The following PHLDB2 variants were observed in gnomAD, a reference collection of about 807,000 sequenced individuals.
PHLDB2 encodes pleckstrin homology-like domain family B member 2.
A neutral mutation model predicts 123.6 loss-of-function variants in PHLDB2; 71 were observed. The ratio of observed to expected loss-of-function variants is 0.57; its 90% CI spans 0.47 to 0.70. PHLDB2 has a LOEUF of 0.70. PHLDB2 is among the 30% of genes least tolerant of loss of function. The pLI is 0.00. For missense variants in PHLDB2, 1,446 were observed against 1,519.5 expected, an observed-to-expected ratio of 0.95 and a Z score of 0.80; for synonymous variants, 547 against 541.6, an observed-to-expected ratio of 1.01 and a Z score of -0.14.
intron 2 of PHLDB2, among the ~76,000 whole-genome samples, chr3:111,902,205 G>A (rs902711885): frequency 6.6e-6 from 1 of 152,052 alleles, no homozygotes; most frequent in South Asian, 2.1e-4. Flanking sequence ...TGCTGAGGTG[G>A]AAAAAACAAG....
chr3:111,848,577 CAG>C (rs1371893390), intron 2 of PHLDB2, among the ~76,000 whole-genome samples: 1 of 152,150 alleles, frequency 6.6e-6, no homozygotes, highest in African/African-American at 2.4e-5. Context: ...GTTGAAGAAA[CAG>C]AGGAAGAGCC....
At chr3:111,938,891 C>T (rs1387529557) in intron 6 of PHLDB2, among the ~76,000 whole-genome samples, 1 of 152,116 alleles carries the variant, frequency 6.6e-6, no homozygotes, top group African/African-American at 2.4e-5. Flanking sequence ...TCTCGGCTCA[C>T]TGCAACCTCC....
At chr3:111,758,045 G>C (rs1193355121) in intron 1 of PHLDB2, among the ~76,000 whole-genome samples, 1 of 152,164 alleles carries the variant, frequency 6.6e-6, no homozygotes, top group Non-Finnish European at 1.5e-5. Context: ...CTGCTCAGGG[G>C]TCAGGGGCCA....
intron 2 of PHLDB2, among the ~76,000 whole-genome samples, chr3:111,896,406 G>A (rs1025829791): frequency 5.3e-5 from 8 of 150,094 alleles, no homozygotes; most frequent in South Asian, 2.1e-4. Flanking sequence ...GTGCAGTGGC[G>A]TGATCTCAGC....
In PHLDB2 at chr3:111,787,028, C is replaced by G. The variant is rs140164130; in HGVS notation, c.-49+54325C>G. 1.7e-3 allele frequency among the ~76,000 whole-genome samples: 257 copies of G among 152,244 alleles called. 1 individual carries two copies. The highest frequency in any genetic ancestry group is 6.0e-3 in the African/African-American group (248 of 41,548). The stretch of plus-strand genomic sequence containing the variant: ...TTTGCATGGGGCGCAATGCTAGGTA[C>G]TATTGATTCAAGGGCAATTAAAGTG... On this transcript the variant is annotated intron_variant, in intron 1 of 17. Transcript: ENST00000393923.
At chr3:111,959,683 C>T (rs999327736) in intron 12 of PHLDB2, among the ~76,000 whole-genome samples, 2 of 152,178 alleles carry the variant, frequency 1.3e-5, no homozygotes, top group Admixed American at 1.3e-4. Flanking sequence ...ATCTCCTTCA[C>T]CTGTAAGTTC....
At chr3:111,942,100 A>G (rs996629046) in intron 8 of PHLDB2, among the ~76,000 whole-genome samples, 7 of 152,330 alleles carry the variant, frequency 4.6e-5, no homozygotes, top group Middle Eastern at 3.4e-3. Flanking sequence ...GTAGTATTTA[A>G]TATTTAAAAT....
chr3:111,817,091 A>C (rs2062114655), intron 1 of PHLDB2, among the ~76,000 whole-genome samples: 1 of 152,178 alleles, frequency 6.6e-6, no homozygotes, highest in South Asian at 2.1e-4. Flanking sequence ...TGGAACTGTA[A>C]GTCCAATAAA....
chr3:111,899,067 C>A (rs1282936), intron 2 of PHLDB2, among the ~76,000 whole-genome samples: 140,941 of 152,296 alleles, frequency 0.93, 65,301 homozygotes, highest in East Asian at 1. Context: ...GCTCTATCAG[C>A]AGAATCACTA....
At chr3:111,748,005 T>C (rs935965648) in intron 1 of PHLDB2, among the ~76,000 whole-genome samples, 4 of 152,324 alleles carry the variant, frequency 2.6e-5, no homozygotes, top group Non-Finnish European at 5.9e-5. Flanking sequence ...TCTTTTGATA[T>C]GTTGCTCAGG....
upstream of PHLDB2, chr3:111,859,175 T>A: frequency 2.0e-6 from 2 of 985,052 alleles, no homozygotes; most frequent in Non-Finnish European, 2.4e-6. Flanking sequence ...AATAGATACT[T>A]CGCTGTCTGG....
rs561681267 is a variant in PHLDB2, at chr3:111,934,355, C to T, written c.2130+1958C>T. Reference sequence around the variant, plus strand: ...TTAGGACCTTTCTGTGTTATCACAGCTTATCTCCCTTTAGACTTCAAACAC... The same window carrying T: ...TTAGGACCTTTCTGTGTTATCACAGTTTATCTCCCTTTAGACTTCAAACAC... On this transcript the variant is annotated intron_variant, in intron 6 of 17. Transcript: ENST00000431670. 2.0e-5 allele frequency among the ~76,000 whole-genome samples: 3 copies of T among 152,260 alleles called. No homozygotes were observed. The East Asian group carries it at 5.8e-4, about 29-fold the overall frequency.
At chr3:111,916,237 C>T (rs940635246) in intron 3 of PHLDB2, 2 of 152,176 alleles carry the variant, frequency 1.3e-5, no homozygotes, top group Non-Finnish European at 2.9e-5. Context: ...ACTCTGCATC[C>T]TTTAGAGGCA....
chr3:111,742,012 G>C (rs1406665877), intron 1 of PHLDB2, among the ~76,000 whole-genome samples: 1 of 152,130 alleles, frequency 6.6e-6, no homozygotes, highest in East Asian at 1.9e-4. Context: ...GGATACAGCA[G>C]ACTGCACATC....
chr3:111,740,518 T>A (rs2059584926), intron 1 of PHLDB2, among the ~76,000 whole-genome samples: 1 of 152,198 alleles, frequency 6.6e-6, no homozygotes, highest in Non-Finnish European at 1.5e-5. Flanking sequence ...TCCACAAAAA[T>A]CTTACTGAGT....
At chr3:111,844,425 A>G (rs2063845735) in intron 1 of PHLDB2, among the ~76,000 whole-genome samples, 1 of 152,174 alleles carries the variant, frequency 6.6e-6, no homozygotes, top group African/African-American at 2.4e-5. Flanking sequence ...TAATGGCACC[A>G]TCATCCGTCA....
At chr3:111,826,023 C>T (rs559220802) in intron 1 of PHLDB2, among the ~76,000 whole-genome samples, 8 of 151,480 alleles carry the variant, frequency 5.3e-5, no homozygotes, top group Admixed American at 2.6e-4. Flanking sequence ...ATTATTAGGC[C>T]GAGCATGGTG....
intron 2 of PHLDB2, 148 bp from the exon 3 acceptor site, chr3:111,913,171 A>G (rs975958170): frequency 3.4e-5 from 33 of 957,510 alleles, no homozygotes; most frequent in African/African-American, 6.6e-5. Context: ...GCATCCGTCA[A>G]AGATTATGAA....
intron 1 of PHLDB2, among the ~76,000 whole-genome samples, chr3:111,789,507 A>G (rs947276301): frequency 2.0e-5 from 3 of 152,210 alleles, no homozygotes; most frequent in African/African-American, 7.2e-5. Context: ...ACATATATAC[A>G]TGGGAAGCCA....
Sources: gnomAD v4.1 joint callset for allele counts (sites outside exome capture counted in the v4.1 genomes callset) on GRCh38, gnomAD v4.1.1 for gene constraint, MANE v1.5 for transcripts, NCBI Gene and HGNC (gene_info 2026-07-23, HGNC 2026-07-21) for gene names.